Variants in SCLY observed in about 807,000 individuals in gnomAD.
SCLY encodes putative selenocysteine lyase.
In SCLY, 38 loss-of-function variants were observed where a neutral mutation model predicts 50.1. That is an observed-to-expected ratio of 0.76 (90% confidence interval 0.59 to 0.99). The LOEUF is 0.99. SCLY is among the 50% of genes least tolerant of loss of function. The pLI is 0.00. For synonymous variants in SCLY, 243 were observed against 249.4 expected (o/e 0.97, Z 0.24); for missense variants, 600 against 620.0 (o/e 0.97, Z 0.34).
Position 238,091,264 on chromosome 2 carries a change from G to C in SCLY, c.921+10G>C. The stretch of plus-strand genomic sequence containing the variant: ...TGCTGGCCTTGGGAAGGTGAGCCCT[G>C]GTGAGCTTGAGGAGATGAGTTGATT... On this transcript the variant is annotated intron_variant, in intron 8 of 11. Coordinates refer to ENST00000254663, the MANE Select transcript of SCLY (RefSeq NM_016510.7). 1.2e-6 allele frequency: 2 copies of C among 1,612,648 alleles called. No homozygotes were observed. Among genetic ancestry groups the C allele is most frequent in the Non-Finnish European group, 1.7e-6 (2 of 1,178,692 alleles).
Position 238,083,475 on chromosome 2 carries a change from C to A in SCLY, c.884+121C>A, listed in dbSNP as rs1413716278. 13 of 729,480 alleles carry A rather than the reference C, an allele frequency of 1.8e-5. No homozygotes were observed. The highest frequency in any genetic ancestry group is 2.9e-5 in the Non-Finnish European group (12 of 411,078). 45.2% of individuals were successfully genotyped at this position (729,480 alleles called of 1,614,324 possible). ...GTGGAGGCTCTGTAGCATGTCCACA[C>A]TGCTGCTGTGTCAGAACTGGCTCCA... On this transcript the variant is annotated intron_variant, in intron 7 of 11. Coordinates refer to ENST00000254663, the MANE Select transcript of SCLY (RefSeq NM_016510.7). This position sits in a 1 kb window ranked among gnomAD's most constrained non-coding sequence, Gnocchi z 4.3.
chr2:238,061,476 C>CAG (rs1379313454), intron 1 of SCLY: 1 of 421,694 alleles, frequency 2.4e-6, no homozygotes, highest in African/African-American at 2.1e-5. Context: ...GGTGAACCGG[C>CAG]AGAGCCCCTG....
At chr2:238,082,524 C>T (rs560675813) in intron 6 of SCLY, among the ~76,000 whole-genome samples, 5 of 152,130 alleles carry the variant, frequency 3.3e-5, no homozygotes, top group South Asian at 2.1e-4. Context: ...GGCCAGGCAG[C>T]GAGTGTCTCT....
rs377025100 is a variant in SCLY at position 238,084,893 on chromosome 2, C to CA, written c.884+1557dup. Among the ~76,000 whole-genome samples the CA allele has an allele frequency of 4.5e-4, 48 of 107,496 alleles. 2 individuals are homozygous for CA. The highest frequency in any genetic ancestry group is 2.3e-3 in the South Asian group (8 of 3,418). 70.5% of individuals were successfully genotyped at this position (107,496 alleles called of 152,430 possible). A position where few individuals can be genotyped will look rare whatever the true frequency, so the allele number is the denominator to read the frequency against. On this transcript the variant is annotated intron_variant, in intron 7 of 11. Coordinates refer to ENST00000254663, the MANE Select transcript of SCLY (RefSeq NM_016510.7). ...TGGGTGACAGAGAGAGACTCCATCTCAAAAAAAAAAAAAAAAAAGAAACCT... is the reference window on the plus strand; with the variant it reads ...TGGGTGACAGAGAGAGACTCCATCTCAAAAAAAAAAAAAAAAAAAGAAACCT...
intron 2 of SCLY, 53 bp downstream of exon 2, chr2:238,064,522 GCT>G: frequency 7.0e-6 from 9 of 1,291,734 alleles, no homozygotes; most frequent in Non-Finnish European, 9.7e-6. Context: ...GGGATGGGGC[GCT>G]CTTAGAGAAA....
intron 8 of SCLY, chr2:238,091,551 A>T: frequency 1.6e-4 from 64 of 404,324 alleles, no homozygotes; most frequent in Admixed American, 3.8e-4. Flanking sequence ...CAGGTTCACC[A>T]TTCCCAAAGG....
rs1157650743 is a variant in SCLY, at chr2:238,061,122, G to A, written c.68G>A (p.Gly23Glu). Residue 23 changes from glycine to glutamate, a missense_variant, in exon 1 of 12, where the codon GGG becomes GAG. By Grantham distance (98) the Gly-to-Glu change is moderately conservative. Transcript: ENST00000254663. ...APAASQPSGC[G>E]KHNSPERKVY... ...GCGGCGAGTCAGCCCAGCGGCTGCG[G>A]GAAACACAACTCGCCGGAGAGGTGC... The A allele has an allele frequency of 6.9e-7, 1 of 1,458,230 alleles. No individual in the cohort carries two copies. The highest frequency in any genetic ancestry group is 2.5e-5 in the Admixed American group (1 of 39,998). 90.3% of individuals were successfully genotyped at this position (1,458,230 alleles called of 1,614,324 possible). A position where few individuals can be genotyped will look rare whatever the true frequency, so the allele number is the denominator to read the frequency against.
At chr2:238,097,442 C>T (rs1423821200) in intron 11 of SCLY, among the ~76,000 whole-genome samples, 2 of 152,074 alleles carry the variant, frequency 1.3e-5, no homozygotes, top group Non-Finnish European at 2.9e-5. Context: ...AAACGTGAGG[C>T]CCCTGTGGGA....
intron 10 of SCLY, among the ~76,000 whole-genome samples, chr2:238,095,016 C>G (rs1208192319): frequency 2.6e-5 from 4 of 152,048 alleles, no homozygotes; most frequent in Non-Finnish European, 5.9e-5. Flanking sequence ...GCCTGGCCAA[C>G]ATGGAGAAAC....
chr2:238,083,500 A>G lies in SCLY; in HGVS notation c.884+146A>G, dbSNP rs1254918937. Reference sequence around the variant, plus strand: ...CTGCTGCTGTGTCAGAACTGGCTCCACTGATTGATTTTACACTGAGGGCTC... The same window carrying G: ...CTGCTGCTGTGTCAGAACTGGCTCCGCTGATTGATTTTACACTGAGGGCTC... On this transcript the variant is annotated intron_variant, in intron 7 of 11. Transcript: ENST00000254663. The surrounding 1 kb of genome is among the most constrained non-coding windows in gnomAD (Gnocchi z 4.3). The G allele has an allele frequency of 4.6e-6, 3 of 651,580 alleles. No homozygotes were observed. The highest frequency in any genetic ancestry group is 5.0e-5 in the Admixed American group (2 of 40,016). 40.4% of individuals were successfully genotyped at this position (651,580 alleles called of 1,614,324 possible). A position where few individuals can be genotyped will look rare whatever the true frequency, so the allele number is the denominator to read the frequency against.
At chr2:238,096,743 G>A (rs2065440632) in intron 10 of SCLY, 58 bp from the exon 11 acceptor site, 27 of 1,555,230 alleles carry the variant, frequency 1.7e-5, no homozygotes, top group Non-Finnish European at 2.2e-5. Flanking sequence ...CCCGGGAAGG[G>A]ACAGAAGGGC....
At chr2:238,065,690 A>ATTATTATTATTT (rs2065064565) in intron 2 of SCLY, among the ~76,000 whole-genome samples, 1 of 145,950 alleles carries the variant, frequency 6.9e-6, no homozygotes, top group Non-Finnish European at 1.5e-5. Context: ...TATTATTATT[A>ATTATTATTATTT]TTTTGAGATT....
Position 238,083,449 on chromosome 2 carries a change from C to T in SCLY, c.884+95C>T, listed in dbSNP as rs2065258808. 14 of 919,794 alleles carry T rather than the reference C, an allele frequency of 1.5e-5. No homozygotes were observed. Among genetic ancestry groups the T allele is most frequent in the Non-Finnish European group, 2.3e-5 (13 of 559,550 alleles). The allele number at this position is 919,794 out of a possible 1,614,324, so 57.0% of individuals were successfully genotyped here. A position where few individuals can be genotyped will look rare whatever the true frequency, so the allele number is the denominator to read the frequency against. On this transcript the variant is annotated intron_variant, in intron 7 of 11. Coordinates refer to ENST00000254663, the MANE Select transcript of SCLY (RefSeq NM_016510.7). The surrounding 1 kb of genome is among the most constrained non-coding windows in gnomAD (Gnocchi z 4.3). Reference sequence around the variant, plus strand: ...GAAACATGGCGCTGTTTCTTGGTCTCGTGGAGGCTCTGTAGCATGTCCACA... The same window carrying T: ...GAAACATGGCGCTGTTTCTTGGTCTTGTGGAGGCTCTGTAGCATGTCCACA...
chr2:238,079,919 A>G (rs2065217752), intron 4 of SCLY: 1 of 151,818 alleles, frequency 6.6e-6, no homozygotes, highest in Admixed American at 6.6e-5. Context: ...TGTTTTCCCT[A>G]TTTGGTGCCT....
In SCLY at chr2:238,081,790, G is replaced by A. The variant is rs752059141; in HGVS notation, c.566G>A (p.Arg189His). ...CTCGCGGCAGTCCGCCCGACCACAC[G>A]CCTCGTGACCATCATGCTGGCCAAC... is the stretch of plus-strand genomic sequence containing the variant. ...DILAAVRPTT[R>H]LVTIMLANNE... Residue 189 changes from arginine to histidine, a missense_variant, in exon 5 of 12, where the codon CGC (arginine) becomes CAC (histidine). Coordinates refer to ENST00000254663, the MANE Select transcript of SCLY (RefSeq NM_016510.7). 1.2e-5 allele frequency: 19 copies of A among 1,614,026 alleles called. No homozygotes were observed. Among genetic ancestry groups the A allele is most frequent in the Middle Eastern group, 1.6e-4 (1 of 6,084 alleles).
At chr2:238,092,452 G>T (rs189398476) in intron 8 of SCLY, 1 of 152,238 alleles carries the variant, frequency 6.6e-6, no homozygotes, top group South Asian at 2.1e-4. Context: ...TAGTGGTGCC[G>T]TCCACAGGCT....
At chr2:238,080,504 G>T (rs1274844496) in intron 4 of SCLY, 4 of 152,328 alleles carry the variant, frequency 2.6e-5, no homozygotes, top group African/African-American at 7.2e-5. Context: ...CCCACGGTGG[G>T]CTCTGCATAA....
In SCLY at chr2:238,079,024, T is replaced by G. The variant is rs147458312; in HGVS notation, c.485-2685T>G. 8 of 151,654 alleles carry G rather than the reference T, an allele frequency of 5.3e-5. No homozygotes were observed. In the East Asian group the frequency reaches 1.6e-3, roughly 29 times the overall value. 9.4% of individuals were successfully genotyped at this position (151,654 alleles called of 1,614,324 possible). A position where few individuals can be genotyped will look rare whatever the true frequency, so the allele number is the denominator to read the frequency against. On this transcript the variant is annotated intron_variant, in intron 4 of 11. Coordinates refer to ENST00000254663, the MANE Select transcript of SCLY (RefSeq NM_016510.7). The stretch of plus-strand genomic sequence containing the variant: ...ATCATTGTAGTTAATTTCCTGTCTT[T>G]TCTTTCTTTCCTTCCTTCCTTCTTT...
intron 4 of SCLY, among the ~76,000 whole-genome samples, chr2:238,076,558 A>G (rs2065176193): frequency 6.6e-6 from 1 of 151,110 alleles, no homozygotes; most frequent in Non-Finnish European, 1.5e-5. Flanking sequence ...TTAGATATTT[A>G]AGAGTGTATT....
Sources: gnomAD v4.1 joint callset for allele counts (sites outside exome capture counted in the v4.1 genomes callset) on GRCh38, gnomAD v4.1.1 for gene constraint, Gnocchi (gnomAD v3.1) non-coding constraint, MANE v1.5 for transcripts, NCBI Gene and HGNC (gene_info 2026-07-23, HGNC 2026-07-21) for gene names.